The following CSNK2A2 variants were observed in gnomAD, a reference collection of about 807,000 sequenced individuals.
CSNK2A2 encodes casein kinase 2 alpha 2, also known as casein kinase II subunit alpha'.
Under a neutral mutation model 54.0 loss-of-function variants are expected in CSNK2A2, and 8 were observed. The observed-to-expected ratio is 0.15, with a 90% CI of 0.09 to 0.27. CSNK2A2 has a LOEUF of 0.27. CSNK2A2 is among the 10% of genes least tolerant of loss of function. The pLI, the probability that CSNK2A2 is intolerant of heterozygous loss-of-function variation, is 1.00. For synonymous variants in CSNK2A2, 141 were observed against 153.9 expected, an observed-to-expected ratio of 0.92 and a Z score of 0.62; for missense variants, 242 against 439.4, an observed-to-expected ratio of 0.55 and a Z score of 4.02.
chr16:58,184,449 T>C, intron 3 of CSNK2A2, 139 bp from the exon 4 acceptor site: 1 of 564,630 alleles, frequency 1.8e-6, no homozygotes. Context: ...TCAAGAAAAG[T>C]ATTCTCTTGA....
intron 2 of CSNK2A2, among the ~76,000 whole-genome samples, chr16:58,189,103 T>A (rs1250108644): frequency 1.3e-5 from 2 of 151,968 alleles, no homozygotes; most frequent in Non-Finnish European, 2.9e-5. Context: ...ACTACAGGTG[T>A]GTGCCACCAC....
At chr16:58,167,101 G>T in intron 8 of CSNK2A2, 106 bp downstream of exon 8, 3 of 675,780 alleles carry the variant, frequency 4.4e-6, no homozygotes, top group South Asian at 2.5e-5. Context: ...CTCATATGCA[G>T]ACACTGAGTG....
intron 5 of CSNK2A2, among the ~76,000 whole-genome samples, chr16:58,170,485 G>C (rs1961705391): frequency 6.6e-6 from 1 of 151,950 alleles, no homozygotes; most frequent in East Asian, 1.9e-4. Context: ...CATTTCCCTT[G>C]GGTAGATTCC....
At chr16:58,186,916 T>A in intron 2 of CSNK2A2, 60 bp from the exon 3 acceptor site, 2 of 1,320,520 alleles carry the variant, frequency 1.5e-6, no homozygotes, top group Non-Finnish European at 2.2e-6. Flanking sequence ...AATAAAACTT[T>A]AAAACAATGT....
chr16:58,186,961 A>G, intron 2 of CSNK2A2, 105 bp from the exon 3 acceptor site: 1 of 863,618 alleles, frequency 1.2e-6, no homozygotes, highest in Non-Finnish European at 1.8e-6. Context: ...TATCTTGTAC[A>G]CTCTGTTGTG....
At chr16:58,195,006 AAT>A (rs1168477388) in intron 2 of CSNK2A2, among the ~76,000 whole-genome samples, 1 of 152,058 alleles carries the variant, frequency 6.6e-6, no homozygotes, top group Non-Finnish European at 1.5e-5. Context: ...ATTTTTCTGG[AAT>A]TGCTTTAGAG....
chr16:58,168,834 A>G (rs1961647185), intron 5 of CSNK2A2, 141 bp from the exon 6 acceptor site: 2 of 640,346 alleles, frequency 3.1e-6, no homozygotes, highest in Non-Finnish European at 2.7e-6. Flanking sequence ...AAAGAGAAAA[A>G]AAGCGTGCTT....
chr16:58,164,738 CTGAA>C lies in CSNK2A2; in HGVS notation c.977-595_977-592del, dbSNP rs1961513318. On this transcript the variant is annotated intron_variant, in intron 10 of 11. Coordinates refer to ENST00000262506, the MANE Select transcript of CSNK2A2 (RefSeq NM_001896.4). Reference sequence around the variant, plus strand: ...TTTCCTGGGGCTGAGGTCTAGAAGGCTGAAGGCTTTTCCATTTGCGGTCTCCCTT... The same window carrying C: ...TTTCCTGGGGCTGAGGTCTAGAAGGCGGCTTTTCCATTTGCGGTCTCCCTT... Among the ~76,000 whole-genome samples the C allele has an allele frequency of 2.0e-5, 3 of 152,310 alleles. No individual in the cohort carries two copies. In the East Asian group the frequency reaches 5.8e-4, roughly 29 times the overall value.
chr16:58,180,115 C>T (rs1961994449), intron 4 of CSNK2A2, among the ~76,000 whole-genome samples: 1 of 150,116 alleles, frequency 6.7e-6, no homozygotes, highest in East Asian at 1.9e-4. Context: ...AAACAGAATC[C>T]AATGAGTTTA....
At chr16:58,178,879 T>A (rs1232885788) in intron 4 of CSNK2A2, among the ~76,000 whole-genome samples, 1 of 152,078 alleles carries the variant, frequency 6.6e-6, no homozygotes, top group East Asian at 1.9e-4. Flanking sequence ...ATCAACAAAT[T>A]CCAAATAATT....
chr16:58,186,556 C>A (rs1033352257), intron 3 of CSNK2A2, among the ~76,000 whole-genome samples, 199 bp downstream of exon 3: 2 of 152,176 alleles, frequency 1.3e-5, no homozygotes, highest in African/African-American at 4.8e-5. Flanking sequence ...TCTCTGTACA[C>A]TTTTAGGTTC....
intron 5 of CSNK2A2, among the ~76,000 whole-genome samples, 172 bp from the exon 6 acceptor site, chr16:58,168,865 C>T (rs553892235): frequency 2.0e-5 from 3 of 152,194 alleles, no homozygotes; most frequent in African/African-American, 7.2e-5. Context: ...CCCTTGCTCT[C>T]TCTGCACACT....
In CSNK2A2 at chr16:58,193,328, G is replaced by A. The variant is rs1962361129; in HGVS notation, c.216+3405C>T. Among the ~76,000 whole-genome samples the A allele has an allele frequency of 2.0e-5, 3 of 150,990 alleles. 1 individual carries two copies. The South Asian group carries it at 6.2e-4, about 31-fold the overall frequency. On this transcript the variant is annotated intron_variant, in intron 2 of 11. Coordinates refer to ENST00000262506, the MANE Select transcript of CSNK2A2 (RefSeq NM_001896.4). Reference sequence around the variant, plus strand: ...GCCCATCCTTTTAACACTACCTACTGACAACACAGAACTTAAAAAATATCT... The same window carrying A: ...GCCCATCCTTTTAACACTACCTACTAACAACACAGAACTTAAAAAATATCT...
intron 10 of CSNK2A2, 62 bp downstream of exon 10, chr16:58,165,496 CAA>C (rs1386383081): frequency 4.8e-6 from 7 of 1,472,312 alleles, no homozygotes; most frequent in Non-Finnish European, 6.3e-6. Context: ...GTCTCAAAGA[CAA>C]AGAGTGGAAG....
intron 9 of CSNK2A2, among the ~76,000 whole-genome samples, chr16:58,165,911 C>T (rs1379722232): frequency 6.6e-6 from 1 of 152,170 alleles, no homozygotes; most frequent in East Asian, 1.9e-4. Flanking sequence ...AAAAATACAA[C>T]TAGGTAAAAC....
chr16:58,171,235 C>T (rs1462959897), intron 5 of CSNK2A2, among the ~76,000 whole-genome samples: 38 of 152,186 alleles, frequency 2.5e-4, no homozygotes, highest in Non-Finnish European at 7.4e-5. Context: ...ATATAGAATG[C>T]TTGTTATGGC....
At chr16:58,162,212 T>C (rs1038545081) in intron 11 of CSNK2A2, 2 of 152,220 alleles carry the variant, frequency 1.3e-5, no homozygotes, top group African/African-American at 2.4e-5. Context: ...AAGGGCATAT[T>C]AGAAGGCTTT....
At chr16:58,184,621 T>C (rs1333489415) in intron 3 of CSNK2A2, among the ~76,000 whole-genome samples, 3 of 152,188 alleles carry the variant, frequency 2.0e-5, no homozygotes, top group Middle Eastern at 3.2e-3. Flanking sequence ...CTTTTGAAAA[T>C]GGTTGAAAAT....
At chr16:58,181,408 T>C (rs1278900461) in intron 4 of CSNK2A2, among the ~76,000 whole-genome samples, 1 of 152,204 alleles carries the variant, frequency 6.6e-6, no homozygotes, top group Non-Finnish European at 1.5e-5. Context: ...TTCCCCATGG[T>C]TCTCCTCAAC....
Sources: gnomAD v4.1 joint callset for allele counts (sites outside exome capture counted in the v4.1 genomes callset) on GRCh38, gnomAD v4.1.1 for gene constraint, MANE v1.5 for transcripts, NCBI Gene and HGNC (gene_info 2026-07-23, HGNC 2026-07-21) for gene names.